Variants in PARD3 observed in about 807,000 individuals in gnomAD.
The protein encoded by PARD3 is partitioning defective 3 homolog.
In PARD3, 75 loss-of-function variants were observed where a neutral mutation model predicts 155.4. The observed-to-expected ratio is 0.48, with a 90% CI of 0.40 to 0.58. The LOEUF is 0.58. PARD3 is among the 20% of genes least tolerant of loss of function. The pLI, the probability that PARD3 is intolerant of heterozygous loss-of-function variation, is 0.00. For missense variants in PARD3, 1,642 were observed against 1,721.7 expected, an observed-to-expected ratio of 0.95 and a Z score of 0.82; for synonymous variants, 576 against 610.5, an observed-to-expected ratio of 0.94 and a Z score of 0.83.
At chr10:34,573,538 C>T (rs1428798042) in intron 2 of PARD3, among the ~76,000 whole-genome samples, 1 of 151,984 alleles carries the variant, frequency 6.6e-6, no homozygotes, top group African/African-American at 2.4e-5. Context: ...ACCATCTCTA[C>T]CAAAAGACAA....
At chr10:34,377,311 TAACTA>T (rs1252438976) in intron 10 of PARD3, among the ~76,000 whole-genome samples, 2 of 152,178 alleles carry the variant, frequency 1.3e-5, no homozygotes, top group Non-Finnish European at 2.9e-5. Flanking sequence ...TAAAAATTTA[TAACTA>T]AACTAAATGG....
chr10:34,637,030 A>T (rs1387960276), intron 2 of PARD3, among the ~76,000 whole-genome samples: 1 of 152,212 alleles, frequency 6.6e-6, no homozygotes, highest in Non-Finnish European at 1.5e-5. Flanking sequence ...TGCCTGAGAC[A>T]TGTTGCACAA....
intron 1 of PARD3, among the ~76,000 whole-genome samples, chr10:34,784,162 GACCACGCC>G (rs1343096713): frequency 4.6e-5 from 7 of 152,078 alleles, no homozygotes; most frequent in Non-Finnish European, 1.0e-4. Context: ...AGTGAGCTGT[GACCACGCC>G]ACTGTACTCC....
chr10:34,728,277 A>G (rs993159651), intron 1 of PARD3, among the ~76,000 whole-genome samples: 2 of 152,262 alleles, frequency 1.3e-5, no homozygotes, highest in African/African-American at 4.8e-5. Flanking sequence ...CTTCAAATAC[A>G]TACAAATATT....
chr10:34,722,776 T>C (rs1194930046), intron 1 of PARD3, among the ~76,000 whole-genome samples: 2 of 152,214 alleles, frequency 1.3e-5, no homozygotes, highest in African/African-American at 2.4e-5. Flanking sequence ...GTATCTTCTT[T>C]AGAAAGTGAG....
At chr10:34,188,953 C>T (rs1950595836) in intron 22 of PARD3, among the ~76,000 whole-genome samples, 1 of 152,124 alleles carries the variant, frequency 6.6e-6, no homozygotes, top group Admixed American at 6.5e-5. Flanking sequence ...TCCCATGGCT[C>T]CCAAAGTGTG....
At chr10:34,316,631 A>G (rs1958022621) in intron 20 of PARD3, among the ~76,000 whole-genome samples, 1 of 152,206 alleles carries the variant, frequency 6.6e-6, no homozygotes, top group Admixed American at 6.5e-5. Context: ...TTCACACACA[A>G]AAAAGAACAA....
At chr10:34,771,265 C>T (rs757440840) in intron 1 of PARD3, among the ~76,000 whole-genome samples, 2 of 152,196 alleles carry the variant, frequency 1.3e-5, no homozygotes, top group African/African-American at 2.4e-5. Flanking sequence ...GGAAGAAAGA[C>T]GGTGCAGCTC....
At chr10:34,222,481 C>T (rs1952355588) in intron 22 of PARD3, among the ~76,000 whole-genome samples, 2 of 152,202 alleles carry the variant, frequency 1.3e-5, no homozygotes, top group African/African-American at 2.4e-5. Flanking sequence ...GTACGTACCT[C>T]GCTGCTCTTG....
intron 3 of PARD3, among the ~76,000 whole-genome samples, chr10:34,484,044 G>C (rs1473571682): frequency 6.6e-6 from 1 of 152,198 alleles, no homozygotes; most frequent in African/African-American, 2.4e-5. Context: ...CATCATGTTG[G>C]TATTATGCTT....
chr10:34,589,233 T>C (rs368816900), intron 2 of PARD3, among the ~76,000 whole-genome samples: 15 of 152,324 alleles, frequency 9.8e-5, no homozygotes, highest in Middle Eastern at 3.4e-3. Context: ...AGTGTACCCT[T>C]AAATTCATTT....
chr10:34,510,474 G>A (rs940659020), intron 3 of PARD3, among the ~76,000 whole-genome samples: 1 of 152,038 alleles, frequency 6.6e-6, no homozygotes, highest in Non-Finnish European at 1.5e-5. Context: ...GTGCTATTTT[G>A]ATCTATTATA....
intron 1 of PARD3, among the ~76,000 whole-genome samples, chr10:34,792,921 A>G (rs1393296563): frequency 6.6e-6 from 1 of 152,234 alleles, no homozygotes; most frequent in Non-Finnish European, 1.5e-5. Context: ...TTCAAAAAGC[A>G]CATGTTTGTA....
At chr10:34,762,744 A>T (rs1220941887) in intron 1 of PARD3, among the ~76,000 whole-genome samples, 1 of 152,182 alleles carries the variant, frequency 6.6e-6, no homozygotes, top group African/African-American at 2.4e-5. Flanking sequence ...AAGAAACACT[A>T]GCCATTTGTG....
intron 22 of PARD3, among the ~76,000 whole-genome samples, chr10:34,202,697 C>T (rs1406521723): frequency 6.6e-6 from 1 of 152,288 alleles, no homozygotes; most frequent in South Asian, 2.1e-4. Context: ...TTATATGCAT[C>T]AATATAGCCA....
At chr10:34,376,028 A>C (rs1217849314) in intron 10 of PARD3, among the ~76,000 whole-genome samples, 1 of 152,120 alleles carries the variant, frequency 6.6e-6, no homozygotes, top group Non-Finnish European at 1.5e-5. Flanking sequence ...CAGAACCCTA[A>C]ACATAATTTG....
intron 2 of PARD3, among the ~76,000 whole-genome samples, chr10:34,668,825 GT>G (rs2093553223): frequency 6.6e-6 from 1 of 151,608 alleles, no homozygotes; most frequent in Admixed American, 6.6e-5. Flanking sequence ...ATTTTTAAAA[GT>G]TTGATTTTTT....
At chr10:34,655,916 A>G (rs1037572727) in intron 2 of PARD3, among the ~76,000 whole-genome samples, 1 of 152,222 alleles carries the variant, frequency 6.6e-6, no homozygotes. Flanking sequence ...AGCAGGAGAC[A>G]CTGAGATTTC....
intron 2 of PARD3, among the ~76,000 whole-genome samples, chr10:34,591,817 T>C (rs2088721010): frequency 6.6e-6 from 1 of 152,144 alleles, no homozygotes; most frequent in Non-Finnish European, 1.5e-5. Context: ...GGTTAGGAGT[T>C]TCTGTACTCA....
Sources: gnomAD v4.1 joint callset for allele counts (sites outside exome capture counted in the v4.1 genomes callset) on GRCh38, gnomAD v4.1.1 for gene constraint, MANE v1.5 for transcripts, NCBI Gene and HGNC (gene_info 2026-07-23, HGNC 2026-07-21) for gene names.